Variants in ZBED4 observed in about 807,000 individuals in gnomAD.
ZBED4 encodes the protein zinc finger BED domain-containing protein 4.
In ZBED4, 4 loss-of-function variants were observed where a neutral mutation model predicts 15.5. That is an observed-to-expected ratio of 0.26 (90% CI 0.13 to 0.59). The LOEUF is 0.59. Among genes scored for constraint, ZBED4 ranks in the 20% least tolerant of loss-of-function variants. The pLI, the probability that ZBED4 is intolerant of heterozygous loss-of-function variation, is 0.90. For synonymous variants in ZBED4, 692 were observed against 608.5 expected, an observed-to-expected ratio of 1.14 and a Z score of -2.02; for missense variants, 1,323 against 1,461.8, an observed-to-expected ratio of 0.91 and a Z score of 1.55.
chr22:49,883,563 T>C lies in ZBED4; in HGVS notation c.-100T>C, dbSNP rs1855406460. On this transcript the variant is annotated 5_prime_UTR_variant, in exon 2 of 2. The change abolishes an upstream ATG in the 5' untranslated region. Coordinates refer to ENST00000216268, the MANE Select transcript of ZBED4 (RefSeq NM_014838.3). ...AGAAACATCCTGAAAGATGGAATTA[T>C]GACGAAAAAGTGAAGATAATCTACA... 1.1e-5 allele frequency: 15 copies of C among 1,419,250 alleles called. No homozygotes were observed. The highest frequency in any genetic ancestry group is 1.4e-5 in the Non-Finnish European group (15 of 1,073,268). The allele number at this position is 1,419,250 out of a possible 1,614,324, so 87.9% of individuals were successfully genotyped here. A position where few individuals can be genotyped will look rare whatever the true frequency, so the allele number is the denominator to read the frequency against.
Position 49,884,235 on chromosome 22 carries a change from A to G in ZBED4, c.573A>G (p.Pro191=), listed in dbSNP as rs910797. ...CCTCTCCCTCACTCCTGCTTCCACC[A>G]CAGCCTGCGGACGCGGGTGACCTCA... ...SFPSPSLLLP[P]QPADAGDLST... is the part of the protein sequence containing the mutation. The change falls in exon 2 of 2, where the codon CCA becomes CCG. Residue 191 remains proline (P), a synonymous_variant. Transcript: ENST00000216268. 1,441,165 of 1,599,648 alleles carry G rather than the reference A, an allele frequency of 0.9. 649,702 individuals are homozygous for G. The highest frequency in any genetic ancestry group is 0.98 in the African/African-American group (73,332 of 74,588).
In ZBED4 at chr22:49,870,228, G is replaced by A. The variant is rs2060340243; in HGVS notation, c.-329-13106G>A. On this transcript the variant is annotated intron_variant, in intron 1 of 1. Transcript: ENST00000216268. ...CATTTTCCTTATCCAGTCCACCATT[G>A]CTAGGCACGTAGGTTGATTCCATGT... Among the ~76,000 whole-genome samples the A allele has an allele frequency of 2.0e-5, 3 of 152,176 alleles. No homozygotes were observed. In the South Asian group the frequency reaches 6.2e-4, roughly 32 times the overall value.
In ZBED4 at chr22:49,884,994, C is replaced by T. The variant is rs910800; in HGVS notation, c.1332C>T (p.Gly444=). ...DGLSPRLFES[G]AIFQQNKKVM... ...TGAGTCCTAGATTGTTTGAATCTGG[C>T]GCCATCTTCCAGCAGAATAAAAAGG... The change falls in exon 2 of 2, where the codon GGC becomes GGT. Residue 444 remains glycine (G), a synonymous_variant. Coordinates refer to ENST00000216268, the MANE Select transcript of ZBED4 (RefSeq NM_014838.3). The T allele has an allele frequency of 0.76, 1,227,848 of 1,612,818 alleles. 480,437 individuals are homozygous for T. Among genetic ancestry groups the T allele is most frequent in the East Asian group, 0.86 (38,648 of 44,860 alleles).
At position 49,886,281 on chromosome 22, in the gene ZBED4, G is replaced by A; in HGVS notation, c.2619G>A (p.Leu873=). 1.4e-6 allele frequency: 2 copies of A among 1,412,192 alleles called. No individual in the cohort carries two copies. Among genetic ancestry groups the A allele is most frequent in the African/African-American group, 1.4e-5 (1 of 70,378 alleles). 87.5% of individuals were successfully genotyped at this position (1,412,192 alleles called of 1,614,324 possible). Residue 873 remains leucine, a synonymous_variant, in exon 2 of 2, where the codon CTG becomes CTA. Transcript: ENST00000216268. The surrounding 1 kb of genome is among the most constrained non-coding windows in gnomAD (Gnocchi z 7.7). Reference sequence around the variant, plus strand: ...AGGCGAAGGAGAAACTGGCCGAGCTGCAGAGGGAGTACGCGCTGCCTCAGC... The same window carrying A: ...AGGCGAAGGAGAAACTGGCCGAGCTACAGAGGGAGTACGCGCTGCCTCAGC... ...SPKAKEKLAE[L]QREYALPQHH...
At chr22:49,869,121 C>CAA (rs113863967) in intron 1 of ZBED4, among the ~76,000 whole-genome samples, 5,291 of 93,280 alleles carry the variant, frequency 0.057, 359 homozygotes, top group African/African-American at 0.16. Flanking sequence ...AAAACTGTCT[C>CAA]AAAAAAAAAA....
At chr22:49,870,639 G>C (rs1481269530) in intron 1 of ZBED4, among the ~76,000 whole-genome samples, 1 of 152,006 alleles carries the variant, frequency 6.6e-6, no homozygotes, top group African/African-American at 2.4e-5. Context: ...AGAAGTATCT[G>C]TTCATGTCCT....
At chr22:49,871,442 C>G (rs1317006048) in intron 1 of ZBED4, among the ~76,000 whole-genome samples, 1 of 151,990 alleles carries the variant, frequency 6.6e-6, no homozygotes, top group Non-Finnish European at 1.5e-5. Context: ...CCGATATTGC[C>G]ACTGCACTCC....
rs1466431029 is a variant in ZBED4, at chr22:49,888,761, T to C, written c.*1583T>C. ...CCCGGTAGCTGTGCGCTTGTTCCCGTGAGAACAGCCTGCTTCCAGAGTGCC... is the reference window on the plus strand; with the variant it reads ...CCCGGTAGCTGTGCGCTTGTTCCCGCGAGAACAGCCTGCTTCCAGAGTGCC... On this transcript the variant is annotated 3_prime_UTR_variant, in exon 2 of 2. Transcript: ENST00000216268. The C allele has an allele frequency of 6.0e-6, 1 of 167,274 alleles. No individual in the cohort carries two copies. The allele number at this position is 167,274 out of a possible 1,614,324, so 10.4% of individuals were successfully genotyped here. A position where few individuals can be genotyped will look rare whatever the true frequency, so the allele number is the denominator to read the frequency against.
chr22:49,877,440 T>C (rs1359693472), intron 1 of ZBED4, among the ~76,000 whole-genome samples: 8 of 151,734 alleles, frequency 5.3e-5, no homozygotes, highest in African/African-American at 1.9e-4. Context: ...TACAGATATG[T>C]ACCACCACAC....
intron 1 of ZBED4, among the ~76,000 whole-genome samples, chr22:49,858,126 T>C (rs989828583): frequency 6.6e-6 from 1 of 151,942 alleles, no homozygotes; most frequent in Non-Finnish European, 1.5e-5. Flanking sequence ...GGTCTCAAAC[T>C]CCTGACCTTA....
rs143882098 is a variant in ZBED4 at position 49,880,426 on chromosome 22, C to G, written c.-329-2908C>G. ...GCGCTCGGGACATGCTCGAGACCAC[C>G]GGGCTCTGCCAAGTTCCGACTCCCC... On this transcript the variant is annotated intron_variant, in intron 1 of 1. Coordinates refer to ENST00000216268, the MANE Select transcript of ZBED4 (RefSeq NM_014838.3). 9.7e-3 allele frequency among the ~76,000 whole-genome samples: 1,474 copies of G among 152,350 alleles called. 17 individuals are homozygous for G. The highest frequency in any genetic ancestry group is 0.067 in the South Asian group (325 of 4,818).
intron 1 of ZBED4, among the ~76,000 whole-genome samples, chr22:49,862,693 CTTTTTTTTTTTTTT>C (rs66520307): frequency 1.7e-4 from 10 of 58,990 alleles, no homozygotes; most frequent in Non-Finnish European, 2.9e-4. Context: ...TAAGTTTTTC[CTTTTTTTTTTTTTT>C]TTTTTTTTTT....
chr22:49,883,920 G>C lies in ZBED4; in HGVS notation c.258G>C (p.Leu86=), dbSNP rs1569164278. 8.7e-6 allele frequency: 14 copies of C among 1,610,534 alleles called. No homozygotes were observed. The highest frequency in any genetic ancestry group is 1.0e-5 in the Non-Finnish European group (12 of 1,177,816). The part of the protein sequence containing the change: ...SAESEDDYGA[L]FSQYSSTLYD... ...AGAGTGAGGATGACTATGGCGCGCT[G>C]TTCTCCCAGTACAGCAGCACCCTAT... The change falls in exon 2 of 2, where the codon CTG becomes CTC. Residue 86 remains leucine (L), a synonymous_variant. Transcript: ENST00000216268.
chr22:49,868,268 G>A (rs1436587255), intron 1 of ZBED4, among the ~76,000 whole-genome samples: 1 of 152,154 alleles, frequency 6.6e-6, no homozygotes, highest in Non-Finnish European at 1.5e-5. Context: ...TAAAATATAG[G>A]CAGTGTTACA....
At chr22:49,866,011 T>A (rs1020170246) in intron 1 of ZBED4, among the ~76,000 whole-genome samples, 2 of 152,114 alleles carry the variant, frequency 1.3e-5, no homozygotes, top group Non-Finnish European at 2.9e-5. Flanking sequence ...CCTGGCTAGT[T>A]CACTTTTTTC....
chr22:49,866,462 T>A (rs1277716304), intron 1 of ZBED4, among the ~76,000 whole-genome samples: 2 of 152,184 alleles, frequency 1.3e-5, no homozygotes, highest in East Asian at 3.8e-4. Flanking sequence ...TTCTCCTGTT[T>A]CTTCTTTTTT....
rs781774175 is a variant in ZBED4, at chr22:49,885,478, C to T, written c.1816C>T (p.Arg606Trp). Residue 606 changes from arginine (R) to tryptophan (W), a missense_variant, in exon 2 of 2, where the codon CGG becomes TGG. Physicochemically the swap from Arg to Trp is moderately radical, Grantham distance 101. Around this residue, in one of 6 missense-constraint regions of ZBED4, gnomAD observed 429 missense variants for 397.9 expected, o/e 1.08. Coordinates refer to ENST00000216268, the MANE Select transcript of ZBED4 (RefSeq NM_014838.3). ...GTSCLLRHLQ[R>W]FHSNVLKTEV... is the part of the protein sequence containing the mutation. The stretch of plus-strand genomic sequence containing the variant: ...CAGCTGTCTTCTGAGACATTTACAG[C>T]GGTTCCATAGCAACGTGCTGAAAAC... The T allele has an allele frequency of 9.9e-6, 16 of 1,612,372 alleles. No homozygotes were observed. Among genetic ancestry groups the T allele is most frequent in the East Asian group, 6.7e-5 (3 of 44,806 alleles).
At position 49,861,810 on chromosome 22, in the gene ZBED4, C is replaced by T. The variant is rs978531889; in HGVS notation, c.-330+7821C>T. Among the ~76,000 whole-genome samples the T allele has an allele frequency of 2.0e-4, 30 of 152,278 alleles. 2 individuals carry two copies. The highest frequency in any genetic ancestry group is 1.9e-3 in the South Asian group (9 of 4,814). The stretch of plus-strand genomic sequence containing the variant: ...CTATTGACGGGCTCTGATCCTTTGC[C>T]GTGGGATGCCGCTGTGACTGACGTT... On this transcript the variant is annotated intron_variant, in intron 1 of 1. Transcript: ENST00000216268.
chr22:49,883,891 G>A lies in ZBED4; in HGVS notation c.229G>A (p.Ala77Thr). The change falls in exon 2 of 2, where the codon GCA becomes ACA. Residue 77 changes from alanine to threonine, a missense_variant. This residue lies in a region of ZBED4 where 380 missense variants were observed against 413.7 expected (regional missense o/e 0.92). Coordinates refer to ENST00000216268, the MANE Select transcript of ZBED4 (RefSeq NM_014838.3). ...SCKPPGKYLS[A>T]ESEDDYGALF... is the part of the protein sequence containing the mutation. Reference sequence around the variant, plus strand: ...CAAGCCCCCGGGGAAGTACTTGTCTGCAGAGAGTGAGGATGACTATGGCGC... The same window carrying A: ...CAAGCCCCCGGGGAAGTACTTGTCTACAGAGAGTGAGGATGACTATGGCGC... 6.2e-7 allele frequency: 1 copy of A among 1,607,304 alleles called. No homozygotes were observed. Among genetic ancestry groups the A allele is most frequent in the South Asian group, 1.1e-5 (1 of 90,890 alleles).
Sources: gnomAD v4.1 joint callset for allele counts (sites outside exome capture counted in the v4.1 genomes callset) on GRCh38, gnomAD v4.1.1 for gene constraint, gnomAD v4.1.1 regional missense constraint, Gnocchi (gnomAD v3.1) non-coding constraint, MANE v1.5 for transcripts, NCBI Gene and HGNC (gene_info 2026-07-23, HGNC 2026-07-21) for gene names.